Variants in PDLIM3 observed in about 807,000 individuals in gnomAD.
PDLIM3 encodes the protein PDZ and LIM domain protein 3.
Under a neutral mutation model 37.3 loss-of-function variants are expected in PDLIM3, and 36 were observed. The observed-to-expected ratio is 0.97, with a 90% CI of 0.74 to 1.28. PDLIM3 has a LOEUF of 1.28. PDLIM3 is among the 50% of genes most tolerant of loss of function. PDLIM3 has a pLI of 0.00. For synonymous variants in PDLIM3, 174 were observed against 182.4 expected (o/e 0.95, Z 0.37); for missense variants, 454 against 485.0 (o/e 0.94, Z 0.60).
intron 4 of PDLIM3, chr4:185,513,263 A>T: frequency 1.0e-6 from 1 of 985,196 alleles, no homozygotes; most frequent in Non-Finnish European, 1.2e-6. Context: ...ATCTGATATC[A>T]CAAGAATTGT....
At chr4:185,534,567 C>G (rs867254394) in intron 1 of PDLIM3, among the ~76,000 whole-genome samples, 1 of 152,250 alleles carries the variant, frequency 6.6e-6, no homozygotes, top group Middle Eastern at 3.4e-3. Context: ...ACCTTGTTTT[C>G]TCATTAGACA....
Position 185,514,437 on chromosome 4 carries a change from C to A in PDLIM3, c.331-100G>T. ...GTTGTACAGGGAGGATCATTTACCA[C>A]CAACTACTGTCATAACTAAGAAAGG... is the stretch of plus-strand genomic sequence containing the variant. On this transcript the variant is annotated intron_variant, in intron 3 of 7. Transcript: ENST00000284767. This position sits in a 1 kb window ranked among gnomAD's most constrained non-coding sequence, Gnocchi z 4.0. The A allele has an allele frequency of 3.1e-6, 5 of 1,609,248 alleles. No individual in the cohort carries two copies. The highest frequency in any genetic ancestry group is 1.7e-5 in the Admixed American group (1 of 59,480).
At chr4:185,519,090 TA>T (rs1009790455) in intron 3 of PDLIM3, among the ~76,000 whole-genome samples, 1 of 152,116 alleles carries the variant, frequency 6.6e-6, no homozygotes, top group African/African-American at 2.4e-5. Context: ...CACTTCGTAC[TA>T]AAAAATGGAC....
chr4:185,523,375 TC>T lies in PDLIM3; in HGVS notation c.316del (p.Glu106AsnfsTer22). 1 of 1,608,980 alleles carries T rather than the reference TC, an allele frequency of 6.2e-7. No homozygotes were observed. On this transcript the variant is annotated frameshift_variant, in exon 3 of 8. Coordinates refer to ENST00000284767, the MANE Select transcript of PDLIM3 (RefSeq NM_014476.6). LOFTEE classifies it high-confidence loss of function. ...GKAHPFKINLESEPQDGNYFE... is the reference protein window; with the variant it reads ...GKAHPFKINLXSEPQDGNYFE... ...TAAAACGCATACCTGTGGTTCTGAT[TC>T]TAAGTTGATTTTGAAAGGATGGGCT... is the stretch of plus-strand genomic sequence containing the variant.
At chr4:185,531,014 A>T in intron 1 of PDLIM3, among the ~76,000 whole-genome samples, 1 of 150,548 alleles carries the variant, frequency 6.6e-6, no homozygotes, top group East Asian at 1.9e-4. Flanking sequence ...ACACACACAC[A>T]CGTATATATA....
In PDLIM3 at chr4:185,514,302, C is replaced by A; in HGVS notation, c.366G>T (p.Arg122=). The A allele has an allele frequency of 1.9e-6, 3 of 1,614,164 alleles. No homozygotes were observed. The highest frequency in any genetic ancestry group is 2.5e-6 in the Non-Finnish European group (3 of 1,180,034). Reference sequence around the variant, plus strand: ...GGCCCGGGATCACGAAAGGTTTGGGCCGAATATTATGCTTGTGTTCAAAGT... The same window carrying A: ...GGCCCGGGATCACGAAAGGTTTGGGACGAATATTATGCTTGTGTTCAAAGT... ...GNYFEHKHNI[R]PKPFVIPGRS... Residue 122 remains arginine (R), a synonymous_variant, in exon 4 of 8, where the codon CGG becomes CGT. Transcript: ENST00000284767. The surrounding 1 kb of genome is among the most constrained non-coding windows in gnomAD (Gnocchi z 4.0).
rs571820925 is a variant in PDLIM3, at chr4:185,503,084, G to T, written c.906-601C>A. Among the ~76,000 whole-genome samples, 718 of 152,200 alleles carry T rather than the reference G, an allele frequency of 4.7e-3. 5 individuals are homozygous for T. Among genetic ancestry groups the T allele is most frequent in the African/African-American group, 0.016 (685 of 41,544 alleles). The stretch of plus-strand genomic sequence containing the variant: ...CTACTAAAAAAATACAAAAAAATTA[G>T]CCGGGCGTGGGCACCTGTAGTCCCA... On this transcript the variant is annotated intron_variant, in intron 7 of 7. Transcript: ENST00000284767.
chr4:185,514,042 A>T lies in PDLIM3; in HGVS notation c.398+228T>A. The T allele has an allele frequency of 7.0e-7, 1 of 1,423,120 alleles. No individual in the cohort carries two copies. Among genetic ancestry groups the T allele is most frequent in the Non-Finnish European group, 9.2e-7 (1 of 1,089,452 alleles). The allele number at this position is 1,423,120 out of a possible 1,614,324, so 88.2% of individuals were successfully genotyped here. A position where few individuals can be genotyped will look rare whatever the true frequency, so the allele number is the denominator to read the frequency against. On this transcript the variant is annotated intron_variant, in intron 4 of 7. Transcript: ENST00000284767. The surrounding 1 kb of genome is among the most constrained non-coding windows in gnomAD (Gnocchi z 4.0). Reference sequence around the variant, plus strand: ...GTGTTCGCTATAAATACACGTGGTGATTGCATACAATTTCACAGCTCTGTC... The same window carrying T: ...GTGTTCGCTATAAATACACGTGGTGTTTGCATACAATTTCACAGCTCTGTC...
chr4:185,514,419 A>C lies in PDLIM3; in HGVS notation c.331-82T>G. On this transcript the variant is annotated intron_variant, in intron 3 of 7. Coordinates refer to ENST00000284767, the MANE Select transcript of PDLIM3 (RefSeq NM_014476.6). The surrounding 1 kb of genome is among the most constrained non-coding windows in gnomAD (Gnocchi z 4.0). ...AAGATTAAACGAACGATAGTTGTAC[A>C]GGGAGGATCATTTACCACCAACTAC... 1 of 1,613,252 alleles carries C rather than the reference A, an allele frequency of 6.2e-7. No individual in the cohort carries two copies. The highest frequency in any genetic ancestry group is 8.5e-7 in the Non-Finnish European group (1 of 1,179,684).
In PDLIM3 at chr4:185,501,569, C is replaced by A. The variant is rs1457529030; in HGVS notation, c.*725G>T. The A allele has an allele frequency of 6.6e-6, 1 of 152,168 alleles. No individual in the cohort carries two copies. The highest frequency in any genetic ancestry group is 2.4e-5 in the African/African-American group (1 of 41,336). The allele number at this position is 152,168 out of a possible 1,614,324, so 9.4% of individuals were successfully genotyped here. On this transcript the variant is annotated 3_prime_UTR_variant, in exon 8 of 8. Coordinates refer to ENST00000284767, the MANE Select transcript of PDLIM3 (RefSeq NM_014476.6). The stretch of plus-strand genomic sequence containing the variant: ...AAGAGACTGAACTACCTTTAACTAG[C>A]AAATTTCAACGCTTCTATCATCAGA...
chr4:185,526,030 G>A (rs928749163), intron 1 of PDLIM3, among the ~76,000 whole-genome samples: 11 of 152,214 alleles, frequency 7.2e-5, no homozygotes, highest in African/African-American at 2.7e-4. Context: ...CCTTCAGAGA[G>A]CTAAAGTCAC....
intron 6 of PDLIM3, 27 bp downstream of exon 6, chr4:185,506,495 T>C: frequency 6.2e-7 from 1 of 1,613,122 alleles, no homozygotes; most frequent in South Asian, 1.1e-5. Context: ...TATCAATACG[T>C]TTCAGCAGGT....
chr4:185,535,463 A>T lies in PDLIM3; in HGVS notation c.-29T>A. 6.4e-7 allele frequency: 1 copy of T among 1,558,980 alleles called. No individual in the cohort carries two copies. The highest frequency in any genetic ancestry group is 1.8e-4 in the Middle Eastern group (1 of 5,552). ...GCCTTCCTCCCGCCCACCGGGCTCT[A>T]AGTGTCCCCGCGCAGGGCAGCCACT... On this transcript the variant is annotated 5_prime_UTR_variant, in exon 1 of 8. Coordinates refer to ENST00000284767, the MANE Select transcript of PDLIM3 (RefSeq NM_014476.6).
In PDLIM3 at chr4:185,514,793, T is replaced by C. The variant is rs745796189; in HGVS notation, c.331-456A>G. ...TGAATAGAGCCCAATTGGCGAGTTA[T>C]AGGAAGCGCTCACTACCTGTCTTTT... On this transcript the variant is annotated intron_variant, in intron 3 of 7. Coordinates refer to ENST00000284767, the MANE Select transcript of PDLIM3 (RefSeq NM_014476.6). The surrounding 1 kb of genome is among the most constrained non-coding windows in gnomAD (Gnocchi z 4.0). 2.0e-5 allele frequency: 31 copies of C among 1,551,822 alleles called. No homozygotes were observed. Among genetic ancestry groups the C allele is most frequent in the Non-Finnish European group, 2.4e-5 (28 of 1,147,000 alleles).
At chr4:185,503,492 A>G (rs1171123107) in intron 7 of PDLIM3, among the ~76,000 whole-genome samples, 3 of 152,186 alleles carry the variant, frequency 2.0e-5, no homozygotes, top group East Asian at 3.9e-4. Flanking sequence ...CCTTCTTGGG[A>G]TGTATCCTGG....
In PDLIM3 at chr4:185,504,522, G is replaced by A. The variant is rs151318437; in HGVS notation, c.858C>T (p.Gly286=). 1.9e-5 allele frequency: 31 copies of A among 1,613,920 alleles called. No individual in the cohort carries two copies. The highest frequency in any genetic ancestry group is 1.6e-4 in the Middle Eastern group (1 of 6,084). ...APVTKVHGGS[G]GAQRMPLCDK... ...CACAGAGCGGCATCCTCTGTGCCCC[G>A]CCTGAACCGCCATGGACTTTCGTCA... is the stretch of plus-strand genomic sequence containing the variant. Residue 286 remains glycine, a synonymous_variant, in exon 7 of 8, where the codon GGC becomes GGT. Coordinates refer to ENST00000284767, the MANE Select transcript of PDLIM3 (RefSeq NM_014476.6). The surrounding 1 kb of genome is among the most constrained non-coding windows in gnomAD (Gnocchi z 4.7).
chr4:185,502,593 A>G (rs1292975231), intron 7 of PDLIM3, 110 bp from the exon 8 acceptor site: 2 of 972,250 alleles, frequency 2.1e-6, no homozygotes, highest in African/African-American at 3.1e-5. Flanking sequence ...CAGTCAGGAA[A>G]CAATGGCCTC....
rs2095701470 is a variant in PDLIM3, at chr4:185,508,447, G to C, written c.514C>G (p.Pro172Ala). The C allele has an allele frequency of 1.2e-6, 2 of 1,614,022 alleles. No individual in the cohort carries two copies. Among genetic ancestry groups the C allele is most frequent in the African/African-American group, 2.7e-5 (2 of 74,896 alleles). Residue 172 changes from proline to alanine, a missense_variant, in exon 5 of 8, where the codon CCT becomes GCT. Physicochemically the swap from Pro to Ala is conservative, Grantham distance 27 (BLOSUM62 -1). Coordinates refer to ENST00000284767, the MANE Select transcript of PDLIM3 (RefSeq NM_014476.6). ...AGTTCCATTTCCAAAGGAATGTTAG[G>C]GGCCAGCTTAGCCGCAACTTTCAAG... The part of the protein sequence containing the change: ...GDLKVAAKLA[P>A]NIPLEMELPG...
intron 1 of PDLIM3, among the ~76,000 whole-genome samples, chr4:185,528,202 A>G (rs2095737597): frequency 6.6e-6 from 1 of 152,240 alleles, no homozygotes; most frequent in Non-Finnish European, 1.5e-5. Flanking sequence ...TGATTTGGAA[A>G]AGTCTAACTT....
Sources: allele counts gnomAD v4.1 joint callset (sites outside exome capture counted in the v4.1 genomes callset), GRCh38; gene constraint gnomAD v4.1.1; non-coding constraint Gnocchi (gnomAD v3.1); transcripts MANE v1.5; gene names NCBI Gene and HGNC (gene_info 2026-07-23, HGNC 2026-07-21).